The following TUSC3 variants were observed in gnomAD, a reference collection of about 807,000 sequenced individuals.
The protein encoded by TUSC3 is tumor suppressor candidate 3.
A neutral mutation model predicts 44.8 loss-of-function variants in TUSC3; 45 were observed. That is an observed-to-expected ratio of 1.00 (90% CI 0.79 to 1.29). The LOEUF is 1.29. Ranked by LOEUF, TUSC3 falls within the 50% of genes most tolerant of loss-of-function variation. The probability of loss-of-function intolerance (pLI) is 0.00; values close to 1 mark genes in which losing one functional copy is unlikely to be tolerated. For synonymous variants in TUSC3, 212 were observed against 152.9 expected (o/e 1.39, Z -2.85); for missense variants, 519 against 437.9 (o/e 1.19, Z -1.65).
chr8:15,538,403 A>G (rs1023504017), upstream of TUSC3, among the ~76,000 whole-genome samples: 2 of 152,218 alleles, frequency 1.3e-5, no homozygotes, highest in East Asian at 3.9e-4. Flanking sequence ...TGTTCACATA[A>G]TAGTGGGAAA....
the TUSC3 span, among the ~76,000 whole-genome samples, chr8:15,828,986 G>C: frequency 3.3e-5 from 5 of 152,142 alleles, no homozygotes; most frequent in African/African-American, 9.6e-5. Flanking sequence ...ATTGGAAAAA[G>C]TATCCAATTC....
chr8:15,804,528 T>A, the TUSC3 span, among the ~76,000 whole-genome samples: 1 of 152,126 alleles, frequency 6.6e-6, no homozygotes, highest in Admixed American at 6.5e-5. Context: ...TTGCGGTTAT[T>A]CTTCTGCATA....
chr8:15,750,353 C>G (rs556878773), intron 9 of TUSC3, among the ~76,000 whole-genome samples: 1 of 151,962 alleles, frequency 6.6e-6, no homozygotes, highest in Non-Finnish European at 1.5e-5. Context: ...CCTTGTATAT[C>G]AGAGCATGTA....
intron 8 of TUSC3, among the ~76,000 whole-genome samples, chr8:15,745,955 G>C (rs1028278223): frequency 1.3e-5 from 2 of 152,000 alleles, no homozygotes; most frequent in Non-Finnish European, 2.9e-5. Flanking sequence ...AAGGGTAGGG[G>C]CCAAGTTTCA....
chr8:15,701,735 T>C (rs1809415784), intron 6 of TUSC3, among the ~76,000 whole-genome samples: 1 of 152,148 alleles, frequency 6.6e-6, no homozygotes, highest in South Asian at 2.1e-4. Flanking sequence ...AAGGTGGGCT[T>C]TTTAAGACAG....
intron 1 of TUSC3, among the ~76,000 whole-genome samples, chr8:15,582,282 G>C (rs575830747): frequency 1.3e-5 from 2 of 152,298 alleles, no homozygotes; most frequent in Admixed American, 6.5e-5. Context: ...GGTCGCTCAC[G>C]CTGGGAGCTG....
At chr8:15,491,368 G>A (rs769159973) in intron 2 of TUSC3, among the ~76,000 whole-genome samples, 15 of 152,098 alleles carry the variant, frequency 9.9e-5, no homozygotes, top group Non-Finnish European at 1.8e-4. Flanking sequence ...GAACAAAATG[G>A]GAGGCAGGTT....
chr8:15,664,440 A>T (rs1222334773), intron 5 of TUSC3, among the ~76,000 whole-genome samples: 2 of 7,278 alleles, frequency 2.7e-4, no homozygotes, highest in African/African-American at 3.2e-3. Context: ...ATACAGATTT[A>T]TTATTATTAT....
intron 6 of TUSC3, among the ~76,000 whole-genome samples, chr8:15,678,932 G>C (rs960954133): frequency 1.3e-5 from 2 of 152,074 alleles, no homozygotes; most frequent in African/African-American, 4.8e-5. Context: ...TGTTGATTTG[G>C]AGGACATGAT....
intron 2 of TUSC3, among the ~76,000 whole-genome samples, chr8:15,632,172 G>T (rs944213535): frequency 3.3e-5 from 5 of 152,074 alleles, no homozygotes; most frequent in African/African-American, 9.7e-5. Flanking sequence ...TCCATTTGAG[G>T]TTCATCTGTT....
At chr8:15,806,957 C>T in the TUSC3 span, 1 of 1,466,230 alleles carries the variant, frequency 6.8e-7, no homozygotes. Context: ...CTCTCGTGTT[C>T]ATCAATCTCC....
intron 4 of TUSC3, among the ~76,000 whole-genome samples, chr8:15,660,702 A>G (rs979171727): frequency 1.3e-4 from 19 of 151,858 alleles, no homozygotes; most frequent in Non-Finnish European, 2.7e-4. Context: ...TTGGTGACTA[A>G]ACTTATTTCC....
chr8:15,597,085 A>G (rs1051914167), intron 1 of TUSC3, among the ~76,000 whole-genome samples: 1 of 152,258 alleles, frequency 6.6e-6, no homozygotes, highest in Non-Finnish European at 1.5e-5. Flanking sequence ...GTGGTACAGT[A>G]GGAAGAGGTC....
At chr8:15,773,593 C>T in the TUSC3 span, among the ~76,000 whole-genome samples, 1 of 152,092 alleles carries the variant, frequency 6.6e-6, no homozygotes, top group African/African-American at 2.4e-5. Context: ...AAAGCTGATT[C>T]ATATGAAAAT....
At chr8:15,513,677 T>A (rs1801173234) in intron 2 of TUSC3, among the ~76,000 whole-genome samples, 1 of 152,164 alleles carries the variant, frequency 6.6e-6, no homozygotes, top group Non-Finnish European at 1.5e-5. Flanking sequence ...TACAGTCGTT[T>A]TGGGTAAAGT....
intron 2 of TUSC3, among the ~76,000 whole-genome samples, chr8:15,507,180 T>C (rs1006574986): frequency 1.3e-5 from 2 of 152,202 alleles, no homozygotes; most frequent in Admixed American, 6.5e-5. Flanking sequence ...GTCCAAACTA[T>C]AGAGGAACTT....
At chr8:15,457,834 A>ATTT (rs1800278814) in intron 1 of TUSC3, among the ~76,000 whole-genome samples, 1 of 144,272 alleles carries the variant, frequency 6.9e-6, no homozygotes, top group Non-Finnish European at 1.5e-5. Context: ...ATTATTAATA[A>ATTT]ATTAGATTAA....
At chr8:15,576,356 T>A (rs1023163326) in intron 1 of TUSC3, among the ~76,000 whole-genome samples, 1 of 149,100 alleles carries the variant, frequency 6.7e-6, no homozygotes. Flanking sequence ...CATGTGCACA[T>A]TGTGCAGGTT....
intron 1 of TUSC3, among the ~76,000 whole-genome samples, chr8:15,603,476 G>A (rs1252176846): frequency 6.6e-6 from 1 of 151,572 alleles, no homozygotes; most frequent in Non-Finnish European, 1.5e-5. Context: ...TTTGTATTCT[G>A]TGGGCGTATT....
Sources: allele counts gnomAD v4.1 joint callset (sites outside exome capture counted in the v4.1 genomes callset), GRCh38; gene constraint gnomAD v4.1.1; transcripts MANE v1.5; gene names NCBI Gene and HGNC (gene_info 2026-07-23, HGNC 2026-07-21).